Variants in HS1BP3 observed in about 807,000 individuals in gnomAD.
HS1BP3 encodes HCLS1-binding protein 3.
A neutral mutation model predicts 33.5 loss-of-function variants in HS1BP3; 32 were observed. The observed-to-expected ratio is 0.95, with a 90% CI of 0.72 to 1.28. HS1BP3 has a LOEUF of 1.28. HS1BP3 is among the 50% of genes most tolerant of loss of function. The pLI, the probability that HS1BP3 is intolerant of heterozygous loss-of-function variation, is 0.00. For missense variants in HS1BP3, 486 were observed against 502.3 expected, an observed-to-expected ratio of 0.97 and a Z score of 0.31; for synonymous variants, 187 against 209.2, an observed-to-expected ratio of 0.89 and a Z score of 0.92.
chr2:20,591,175 C>G (rs963980710), downstream of HS1BP3: 2 of 167,130 alleles, frequency 1.2e-5, no homozygotes, highest in African/African-American at 2.4e-5. Flanking sequence ...AGAGCCTGCC[C>G]CAGCCACTGG....
chr2:20,638,121 C>T, intron 4 of HS1BP3: 1 of 511,400 alleles, frequency 2.0e-6, no homozygotes, highest in Non-Finnish European at 3.4e-6. Flanking sequence ...ACTAGCCGGA[C>T]AGGCCCGCAG....
At chr2:20,555,231 T>C in the HS1BP3 span, among the ~76,000 whole-genome samples, 1 of 152,216 alleles carries the variant, frequency 6.6e-6, no homozygotes, top group Non-Finnish European at 1.5e-5. Context: ...TGTTTTTTCA[T>C]CTCTGTTGAG....
intron 5 of HS1BP3, among the ~76,000 whole-genome samples, chr2:20,579,360 G>A (rs745436126): frequency 3.9e-5 from 6 of 152,242 alleles, no homozygotes; most frequent in Non-Finnish European, 7.3e-5. Flanking sequence ...TGAGCCTACC[G>A]GGACTTCGAG....
intron 6 of HS1BP3, among the ~76,000 whole-genome samples, chr2:20,620,069 G>A (rs960629479): frequency 6.6e-6 from 1 of 152,220 alleles, no homozygotes; most frequent in South Asian, 2.1e-4. Flanking sequence ...CAAGAAACAG[G>A]CCAGGCCACT....
intron 5 of HS1BP3, among the ~76,000 whole-genome samples, chr2:20,570,520 A>T (rs1317221706): frequency 6.6e-6 from 1 of 152,198 alleles, no homozygotes; most frequent in African/African-American, 2.4e-5. Context: ...GGTCATGGGT[A>T]TAAAGACAAA....
intron 2 of HS1BP3, chr2:20,598,304 T>C: frequency 2.7e-6 from 1 of 376,504 alleles, no homozygotes. Context: ...CGTCAGGCAT[T>C]AGATTCTCAT....
intron 5 of HS1BP3, among the ~76,000 whole-genome samples, chr2:20,582,830 G>T (rs1212263737): frequency 1.3e-5 from 2 of 152,174 alleles, no homozygotes; most frequent in Non-Finnish European, 2.9e-5. Context: ...CGCCCACTGT[G>T]CTGGGTCTCC....
intron 1 of HS1BP3, among the ~76,000 whole-genome samples, chr2:20,646,679 G>A (rs186917615): frequency 3.9e-5 from 6 of 152,378 alleles, no homozygotes; most frequent in African/African-American, 9.6e-5. Flanking sequence ...AGGTGCACAC[G>A]CACAGCCAGC....
intron 3 of HS1BP3, 123 bp from the exon 4 acceptor site, chr2:20,638,775 ACCAAACTCGTCCCT>A: frequency 2.7e-6 from 2 of 730,084 alleles, no homozygotes; most frequent in Middle Eastern, 2.6e-4. Flanking sequence ...GCCTCCTGGG[ACCAAACTCGTCCCT>A]CCTGGGACCT....
At chr2:20,601,037 A>G (rs977995020) in intron 2 of HS1BP3, among the ~76,000 whole-genome samples, 3 of 152,226 alleles carry the variant, frequency 2.0e-5, no homozygotes, top group Non-Finnish European at 4.4e-5. Flanking sequence ...TTTGTTTTAC[A>G]TTGACCAGTG....
rs1307378164 is a variant in HS1BP3 at position 20,594,107 on chromosome 2, C to T, written c.*13-1313G>A. On this transcript the variant is annotated intron_variant, in intron 3 of 3. Coordinates refer to the HS1BP3 transcript ENST00000415264. ...CATCGGGGATGGCTACAATAGCTTG[C>T]ATCTTACACATTCCAACTCAGATGG... 4.6e-5 allele frequency among the ~76,000 whole-genome samples: 7 copies of T among 152,228 alleles called. No individual in the cohort carries two copies. The South Asian group carries it at 8.3e-4, about 18-fold the overall frequency.
intron 3 of HS1BP3, among the ~76,000 whole-genome samples, chr2:20,594,723 G>T (rs72782368): frequency 6.6e-6 from 1 of 152,130 alleles, no homozygotes; most frequent in African/African-American, 2.4e-5. Flanking sequence ...CTTAGAAATG[G>T]CAGACATGTA....
chr2:20,557,266 C>T (rs1037932122), downstream of HS1BP3, among the ~76,000 whole-genome samples: 7 of 152,076 alleles, frequency 4.6e-5, no homozygotes, highest in African/African-American at 9.7e-5. Context: ...ATTGGCCTTC[C>T]GAAATTTCAT....
At chr2:20,569,062 C>T (rs188267981) in intron 5 of HS1BP3, among the ~76,000 whole-genome samples, 16 of 152,240 alleles carry the variant, frequency 1.1e-4, no homozygotes, top group Non-Finnish European at 1.9e-4. Flanking sequence ...ACATGATCAG[C>T]AGGACTGACA....
At chr2:20,632,555 G>A (rs974032337) in intron 4 of HS1BP3, among the ~76,000 whole-genome samples, 1 of 152,234 alleles carries the variant, frequency 6.6e-6, no homozygotes, top group South Asian at 2.1e-4. Context: ...TTCCTCAGTC[G>A]TAACAACAGA....
chr2:20,574,131 G>A (rs1010509327), intron 5 of HS1BP3, among the ~76,000 whole-genome samples: 4 of 152,172 alleles, frequency 2.6e-5, no homozygotes, highest in East Asian at 1.9e-4. Context: ...TTGATGCTGC[G>A]GTTCTCCTGA....
chr2:20,600,889 A>G (rs1264549543), intron 2 of HS1BP3, among the ~76,000 whole-genome samples: 2 of 152,108 alleles, frequency 1.3e-5, no homozygotes, highest in Non-Finnish European at 2.9e-5. Flanking sequence ...TGGTGCAGAG[A>G]ATTCTAGGGT....
chr2:20,598,037 C>T (rs181528754), intron 3 of HS1BP3, among the ~76,000 whole-genome samples: 8 of 152,228 alleles, frequency 5.3e-5, no homozygotes, highest in South Asian at 2.1e-4. Context: ...CCTACTTCAG[C>T]GGTCCCTAAC....
At chr2:20,608,002 T>A (rs999325909) in intron 2 of HS1BP3, among the ~76,000 whole-genome samples, 3 of 152,260 alleles carry the variant, frequency 2.0e-5, no homozygotes, top group Non-Finnish European at 4.4e-5. Context: ...TATTTTATTG[T>A]GTTTGGTGCT....
Sources: allele counts gnomAD v4.1 joint callset (sites outside exome capture counted in the v4.1 genomes callset), GRCh38; gene constraint gnomAD v4.1.1; transcripts MANE v1.5; gene names NCBI Gene and HGNC (gene_info 2026-07-23, HGNC 2026-07-21).